The following STON1 variants were observed in gnomAD, a reference collection of about 807,000 sequenced individuals.
The protein encoded by STON1 is stonin 1.
STON1 carries 79 observed loss-of-function variants against 60.9 expected under a neutral mutation model. That is an observed-to-expected ratio of 1.30 (90% CI 1.08 to 1.56). The LOEUF is 1.56. Ranked by LOEUF, STON1 falls within the 40% of genes most tolerant of loss-of-function variation. STON1 has a pLI of 0.00. For synonymous variants in STON1, 363 were observed against 306.9 expected (o/e 1.18, Z -1.91); for missense variants, 1,166 against 858.9 (o/e 1.36, Z -4.47).
chr2:48,575,847 C>T (rs1572967659), intron 1 of STON1, among the ~76,000 whole-genome samples: 1 of 149,034 alleles, frequency 6.7e-6, no homozygotes, highest in Non-Finnish European at 1.5e-5. Flanking sequence ...CAACATCTGC[C>T]TCCTGGGTTC....
At chr2:48,578,580 C>CTTTTT (rs1673674887) in intron 1 of STON1, among the ~76,000 whole-genome samples, 1 of 59,982 alleles carries the variant, frequency 1.7e-5, no homozygotes, top group African/African-American at 6.0e-5. Flanking sequence ...CCTCCTCCTT[C>CTTTTT]CTTTTTTTTT....
Position 48,597,322 on chromosome 2 carries a change from CAG to C in STON1, c.*2022_*2023del, listed in dbSNP as rs973330416. 7 of 152,270 alleles carry C rather than the reference CAG, an allele frequency of 4.6e-5. No individual in the cohort carries two copies. The highest frequency in any genetic ancestry group is 4.6e-4 in the Admixed American group (7 of 15,278). 9.4% of individuals were successfully genotyped at this position (152,270 alleles called of 1,614,324 possible). On this transcript the variant is annotated 3_prime_UTR_variant, in exon 4 of 4. Coordinates refer to ENST00000404752, the MANE Select transcript of STON1 (RefSeq NM_006873.4). ...CACTCTACAGTGACTTCAGTCTGCT[CAG>C]AACGAATGTGGAGGCCGGCCGAAAC...
Position 48,581,026 on chromosome 2 carries a change from A to T in STON1, c.393A>T (p.Leu131Phe). ...SSLLPTRPTC[L>F]SHALLPSDHS... is the part of the protein sequence containing the mutation. ...TACTGCCTACCAGACCAACATGTTTATCCCATGCCTTGTTACCCAGTGACC... is the reference window on the plus strand; with the variant it reads ...TACTGCCTACCAGACCAACATGTTTTTCCCATGCCTTGTTACCCAGTGACC... Residue 131 changes from leucine (L) to phenylalanine (F), a missense_variant, in exon 2 of 4, where the codon TTA becomes TTT. Leu to Phe is a conservative substitution (Grantham distance 22). Coordinates refer to ENST00000404752, the MANE Select transcript of STON1 (RefSeq NM_006873.4). 1 of 1,572,684 alleles carries T rather than the reference A, an allele frequency of 6.4e-7. No homozygotes were observed. The highest frequency in any genetic ancestry group is 8.6e-7 in the Non-Finnish European group (1 of 1,163,704).
At chr2:48,546,561 C>T (rs967911916) in intron 1 of STON1, among the ~76,000 whole-genome samples, 2 of 152,178 alleles carry the variant, frequency 1.3e-5, no homozygotes, top group Non-Finnish European at 2.9e-5. Flanking sequence ...GCTTTGTGTC[C>T]CACAGAACAC....
Position 48,596,817 on chromosome 2 carries a change from G to T in STON1, c.*1515G>T. 1 of 152,110 alleles carries T rather than the reference G, an allele frequency of 6.6e-6. No individual in the cohort carries two copies. The highest frequency in any genetic ancestry group is 1.5e-5 in the Non-Finnish European group (1 of 68,018). 9.4% of individuals were successfully genotyped at this position (152,110 alleles called of 1,614,324 possible). A position where few individuals can be genotyped will look rare whatever the true frequency, so the allele number is the denominator to read the frequency against. On this transcript the variant is annotated 3_prime_UTR_variant, in exon 4 of 4. Transcript: ENST00000404752. ...TGTAAAGGCAAAGAATGCAATAGGT[G>T]ATGGTTGGTTGAAAGGAATTGTTAT...
At chr2:48,561,470 T>G (rs1379375325) in intron 1 of STON1, among the ~76,000 whole-genome samples, 1 of 152,180 alleles carries the variant, frequency 6.6e-6, no homozygotes, top group East Asian at 1.9e-4. Context: ...TGTGCGAACC[T>G]CAGGAAAATC....
chr2:48,582,196 T>G lies in STON1; in HGVS notation c.1563T>G (p.Tyr521Ter). 6.2e-7 allele frequency: 1 copy of G among 1,614,236 alleles called. No individual in the cohort carries two copies. The highest frequency in any genetic ancestry group is 1.1e-5 in the South Asian group (1 of 91,082). The part of the protein sequence containing the change: ...RFELMRFKTL[Y>*]NGDNLPFSLK... The stretch of plus-strand genomic sequence containing the variant: ...AGCTGATGCGTTTCAAGACTTTGTA[T>G]AATGGGGATAATCTTCCCTTTTCCT... Residue 521 changes from tyrosine to a stop codon, truncating the protein, a stop_gained, in exon 2 of 4, where the codon TAT becomes TAG. Transcript: ENST00000404752. LOFTEE classifies it high-confidence loss of function.
At position 48,581,541 on chromosome 2, in the gene STON1, C is replaced by G. The variant is rs766231621; in HGVS notation, c.908C>G (p.Pro303Arg). 1.5e-5 allele frequency: 24 copies of G among 1,614,024 alleles called. No homozygotes were observed. The highest frequency in any genetic ancestry group is 2.7e-5 in the African/African-American group (2 of 74,896). The change falls in exon 2 of 4, where the codon CCT (proline) becomes CGT (arginine). Residue 303 changes from proline (P) to arginine (R), a missense_variant. Coordinates refer to ENST00000404752, the MANE Select transcript of STON1 (RefSeq NM_006873.4). ...GGACCAATTTTTCTGAAAGTTTTGC[C>G]TGGAGGAATTTTGCAGATGTATTAT... ...QWGPIFLKVL[P>R]GGILQMYYEQ... is the part of the protein sequence containing the mutation.
intron 1 of STON1, among the ~76,000 whole-genome samples, chr2:48,551,244 G>C (rs746667809): frequency 3.9e-5 from 6 of 152,200 alleles, no homozygotes; most frequent in Non-Finnish European, 7.3e-5. Flanking sequence ...TTGGACTATA[G>C]ATGGGTGTTT....
intron 1 of STON1, among the ~76,000 whole-genome samples, chr2:48,551,485 C>A (rs1478715253): frequency 1.3e-5 from 2 of 152,166 alleles, no homozygotes; most frequent in Non-Finnish European, 2.9e-5. Context: ...AGCTTGATGC[C>A]CTAGATACCT....
intron 1 of STON1, among the ~76,000 whole-genome samples, chr2:48,549,330 T>C (rs781482933): frequency 2.0e-5 from 3 of 152,120 alleles, no homozygotes; most frequent in Non-Finnish European, 4.4e-5. Flanking sequence ...GGAGCCTCCT[T>C]TTGTAAGTAA....
intron 1 of STON1, among the ~76,000 whole-genome samples, chr2:48,571,597 T>C (rs778412058): frequency 1.3e-5 from 2 of 152,170 alleles, no homozygotes; most frequent in Non-Finnish European, 2.9e-5. Flanking sequence ...AAGTAGCAGA[T>C]GACTGAGGAA....
intron 1 of STON1, among the ~76,000 whole-genome samples, chr2:48,571,241 A>C (rs939574439): frequency 1.3e-5 from 2 of 152,202 alleles, no homozygotes; most frequent in Non-Finnish European, 2.9e-5. Flanking sequence ...AGTATGGGGC[A>C]TGCAGGCTGG....
chr2:48,530,415 T>G, intron 1 of STON1, 199 bp downstream of exon 1: 1 of 225,704 alleles, frequency 4.4e-6, no homozygotes, highest in Non-Finnish European at 8.7e-6. Context: ...AGGGATGGCC[T>G]CCCGGCAGGG....
chr2:48,541,337 T>C (rs1264597531), intron 1 of STON1, among the ~76,000 whole-genome samples: 1 of 150,472 alleles, frequency 6.6e-6, no homozygotes, highest in African/African-American at 2.5e-5. Flanking sequence ...TGGGAGACAG[T>C]GTGAGACTCC....
In STON1 at chr2:48,582,164, C is replaced by T. The variant is rs375954695; in HGVS notation, c.1531C>T (p.Arg511Trp). The T allele has an allele frequency of 1.1e-5, 18 of 1,614,012 alleles. No individual in the cohort carries two copies. Among genetic ancestry groups the T allele is most frequent in the Admixed American group, 6.7e-5 (4 of 60,008 alleles). The stretch of plus-strand genomic sequence containing the variant: ...TAAGTTTGTACCTCTGGATGCCTGC[C>T]GGTTTGAGCTGATGCGTTTCAAGAC... ...IIKFVPLDAC[R>W]FELMRFKTLY... The change falls in exon 2 of 4, where the codon CGG becomes TGG. Residue 511 changes from arginine to tryptophan, a missense_variant. Physicochemically the swap from Arg to Trp is moderately radical, Grantham distance 101. Coordinates refer to ENST00000404752, the MANE Select transcript of STON1 (RefSeq NM_006873.4).
chr2:48,590,636 A>AACACACACACACGCACAC (rs1674455983), intron 2 of STON1, among the ~76,000 whole-genome samples: 1 of 142,034 alleles, frequency 7.0e-6, no homozygotes, highest in Admixed American at 7.1e-5. Context: ...ATTTCCTTAT[A>AACACACACACACGCACAC]ACACACACAC....
Position 48,598,120 on chromosome 2 carries a change from A to G in STON1, c.*2818A>G, listed in dbSNP as rs917167076. 6.6e-6 allele frequency: 1 copy of G among 152,210 alleles called. No homozygotes were observed. Among genetic ancestry groups the G allele is most frequent in the African/African-American group, 2.4e-5 (1 of 41,446 alleles). The allele number at this position is 152,210 out of a possible 1,614,324, so 9.4% of individuals were successfully genotyped here. Reference sequence around the variant, plus strand: ...CAGGATCATATTAACTGTGTAAATGAATTCATGGGTAGATGATTTGTGCAG... The same window carrying G: ...CAGGATCATATTAACTGTGTAAATGGATTCATGGGTAGATGATTTGTGCAG... On this transcript the variant is annotated 3_prime_UTR_variant, in exon 4 of 4. Coordinates refer to ENST00000404752, the MANE Select transcript of STON1 (RefSeq NM_006873.4).
intron 1 of STON1, among the ~76,000 whole-genome samples, chr2:48,569,391 G>C (rs1353776855): frequency 1.3e-5 from 2 of 152,088 alleles, no homozygotes. Context: ...ATTAAGCTTT[G>C]TGTATTTGTG....
Sources: allele counts gnomAD v4.1 joint callset (sites outside exome capture counted in the v4.1 genomes callset), GRCh38; gene constraint gnomAD v4.1.1; transcripts MANE v1.5; gene names NCBI Gene and HGNC (gene_info 2026-07-23, HGNC 2026-07-21).